The following DDX59 variants were observed in gnomAD, a reference collection of about 807,000 sequenced individuals.
DDX59 encodes the protein probable ATP-dependent RNA helicase DDX59.
A neutral mutation model predicts 51.9 loss-of-function variants in DDX59; 30 were observed. The observed-to-expected ratio is 0.58, with a 90% CI of 0.43 to 0.78. The LOEUF is 0.78. Among genes scored for constraint, DDX59 ranks in the 30% least tolerant of loss-of-function variants. The probability of loss-of-function intolerance (pLI) is 0.00; values close to 1 mark genes in which losing one functional copy is unlikely to be tolerated. For missense variants in DDX59, 672 were observed against 730.8 expected, an observed-to-expected ratio of 0.92 and a Z score of 0.93; for synonymous variants, 255 against 253.3, an observed-to-expected ratio of 1.01 and a Z score of -0.06.
intron 4 of DDX59, among the ~76,000 whole-genome samples, chr1:200,657,288 C>T (rs375605558): frequency 1.3e-5 from 2 of 149,496 alleles, no homozygotes; most frequent in South Asian, 2.1e-4. Context: ...TTCTCTAGCT[C>T]ATAAGATGGG....
At chr1:200,646,260 T>C (rs1328937931) in intron 7 of DDX59, among the ~76,000 whole-genome samples, 3 of 151,944 alleles carry the variant, frequency 2.0e-5, no homozygotes, top group Non-Finnish European at 2.9e-5. Context: ...CCTGAGTCCA[T>C]GCATTCAAGG....
Position 200,650,469 on chromosome 1 carries a change from C to T in DDX59, c.1270G>A (p.Val424Ile). 1.2e-6 allele frequency: 2 copies of T among 1,613,652 alleles called. No individual in the cohort carries two copies. Among genetic ancestry groups the T allele is most frequent in the Non-Finnish European group, 1.7e-6 (2 of 1,179,732 alleles). The change falls in exon 5 of 8, where the codon GTA (valine) becomes ATA (isoleucine). Residue 424 changes from valine (V) to isoleucine (I), a missense_variant. Physicochemically the swap from Val to Ile is conservative, Grantham distance 29 (BLOSUM62 3). Coordinates refer to ENST00000331314, the MANE Select transcript of DDX59 (RefSeq NM_001031725.6). ...TTTTTCTTTTTGGCTGGGTCTTCTACCCACAAAATAATCTGACGTACATTG... is the reference window on the plus strand; with the variant it reads ...TTTTTCTTTTTGGCTGGGTCTTCTATCCACAAAATAATCTGACGTACATTG... Reference protein sequence around the residue: ...CANVRQIILWVEDPAKKKKLF... With the variant: ...CANVRQIILWIEDPAKKKKLF...
In DDX59 at chr1:200,650,262, G is replaced by C. The variant is rs998128614; in HGVS notation, c.1314+163C>G. On this transcript the variant is annotated intron_variant, in intron 5 of 7. Coordinates refer to ENST00000331314, the MANE Select transcript of DDX59 (RefSeq NM_001031725.6). The stretch of plus-strand genomic sequence containing the variant: ...TCTATCCAACATGTTTTCCCAAATA[G>C]CTATTTATTTGATTCTCATAGAATT... Among the ~76,000 whole-genome samples the C allele has an allele frequency of 7.2e-5, 11 of 152,172 alleles. No homozygotes were observed. The East Asian group carries it at 2.1e-3, about 29-fold the overall frequency.
chr1:200,647,205 G>C (rs559855786), intron 7 of DDX59, among the ~76,000 whole-genome samples: 1 of 152,324 alleles, frequency 6.6e-6, no homozygotes, highest in South Asian at 2.1e-4. Flanking sequence ...AGGGAAGCCG[G>C]AGAGGGAAGA....
chr1:200,653,519 C>A (rs1172221896), intron 4 of DDX59, among the ~76,000 whole-genome samples: 1 of 152,218 alleles, frequency 6.6e-6, no homozygotes, highest in African/African-American at 2.4e-5. Context: ...AATTCTCAAG[C>A]AACCAGATAG....
At chr1:200,644,663 G>C (rs555796375) in intron 7 of DDX59, 146 bp from the exon 8 acceptor site, 150 of 991,050 alleles carry the variant, frequency 1.5e-4, no homozygotes, top group Non-Finnish European at 1.7e-4. Context: ...TGGGAGCTGA[G>C]GCAGGTGGAT....
chr1:200,665,378 CTGAACCTGGGAGACGGATCACT>C (rs1426313613), intron 2 of DDX59, among the ~76,000 whole-genome samples: 1 of 151,668 alleles, frequency 6.6e-6, no homozygotes, highest in East Asian at 1.9e-4. Flanking sequence ...TCACTTGAAC[CTGAACCTGGGAGACGGATCACT>C]TGAACCTGGG....
chr1:200,647,535 C>A (rs1197511257), intron 7 of DDX59, among the ~76,000 whole-genome samples: 1 of 149,720 alleles, frequency 6.7e-6, no homozygotes, highest in Non-Finnish European at 1.5e-5. Flanking sequence ...AAATTTACTA[C>A]TTAAAATTTT....
rs1298075867 is a variant in DDX59, at chr1:200,668,290, A to C, written c.-12+1477T>G. On this transcript the variant is annotated intron_variant, in intron 1 of 7. Coordinates refer to ENST00000331314, the MANE Select transcript of DDX59 (RefSeq NM_001031725.6). ...GCCACTGCACTCCAGCCTGGGCAAC[A>C]GAGCAAGACTCCGTCTCAAAAAAAA... 2.0e-5 allele frequency among the ~76,000 whole-genome samples: 3 copies of C among 150,812 alleles called. No homozygotes were observed. In the South Asian group the frequency reaches 6.3e-4, roughly 32 times the overall value.
chr1:200,654,008 C>G (rs917411665), intron 4 of DDX59, among the ~76,000 whole-genome samples: 1 of 152,100 alleles, frequency 6.6e-6, no homozygotes, highest in Non-Finnish European at 1.5e-5. Context: ...CATGAAAAGC[C>G]CTAATGATAT....
At chr1:200,660,827 C>T (rs1355899996) in intron 3 of DDX59, among the ~76,000 whole-genome samples, 1 of 152,142 alleles carries the variant, frequency 6.6e-6, no homozygotes, top group Non-Finnish European at 1.5e-5. Flanking sequence ...ACCAACAATA[C>T]TCGAGTTCAG....
intron 2 of DDX59, among the ~76,000 whole-genome samples, chr1:200,665,665 A>G (rs1268214606): frequency 6.6e-6 from 1 of 152,172 alleles, no homozygotes; most frequent in African/African-American, 2.4e-5. Flanking sequence ...CTGTTAATAG[A>G]AAAACTGTTA....
At chr1:200,661,083 G>T (rs1420829783) in intron 3 of DDX59, among the ~76,000 whole-genome samples, 1 of 152,142 alleles carries the variant, frequency 6.6e-6, no homozygotes, top group African/African-American at 2.4e-5. Context: ...GGCTGGGGCA[G>T]GGAAAGAAAA....
chr1:200,655,982 C>T lies in DDX59; in HGVS notation c.1062+3045G>A, dbSNP rs536402312. On this transcript the variant is annotated intron_variant, in intron 4 of 7. Transcript: ENST00000331314. Reference sequence around the variant, plus strand: ...AGTAGCTGGGATTACAGGCACGCGCCACCACGCCCAGCTAATTTTGTATTT... The same window carrying T: ...AGTAGCTGGGATTACAGGCACGCGCTACCACGCCCAGCTAATTTTGTATTT... Among the ~76,000 whole-genome samples, 13 of 152,298 alleles carry T rather than the reference C, an allele frequency of 8.5e-5. No homozygotes were observed. The South Asian group carries it at 2.7e-3, about 32-fold the overall frequency.
intron 3 of DDX59, among the ~76,000 whole-genome samples, chr1:200,660,328 G>A (rs1662295349): frequency 6.6e-6 from 1 of 152,106 alleles, no homozygotes. Flanking sequence ...CTTGCTCTTG[G>A]AGGGCAACTT....
chr1:200,653,994 A>T (rs781344566), intron 4 of DDX59, among the ~76,000 whole-genome samples: 5 of 152,234 alleles, frequency 3.3e-5, no homozygotes, highest in Non-Finnish European at 5.9e-5. Context: ...AACAAGTGTG[A>T]GCACATGAAA....
intron 3 of DDX59, among the ~76,000 whole-genome samples, chr1:200,660,217 C>A (rs995314438): frequency 2.0e-5 from 3 of 152,210 alleles, no homozygotes; most frequent in Admixed American, 2.0e-4. Context: ...CTGGCACAAT[C>A]TTCTTTATCT....
At position 200,644,377 on chromosome 1, in the gene DDX59, T is replaced by C; in HGVS notation, c.1737A>G (p.Pro579=). The C allele has an allele frequency of 6.2e-7, 1 of 1,613,958 alleles. No homozygotes were observed. The highest frequency in any genetic ancestry group is 8.5e-7 in the Non-Finnish European group (1 of 1,179,958). ...CCTTTCTCTTCTGGTCATGAAGGTA[T>C]GGGGAATTTAATAACTGAGGGGGAA... The part of the protein sequence containing the change: ...SILPPQLLNS[P]YLHDQKRKEQ... Residue 579 remains proline, a synonymous_variant, in exon 8 of 8, where the codon CCA becomes CCG. Coordinates refer to ENST00000331314, the MANE Select transcript of DDX59 (RefSeq NM_001031725.6).
chr1:200,661,497 C>T (rs1476528080), intron 3 of DDX59, among the ~76,000 whole-genome samples: 1 of 152,142 alleles, frequency 6.6e-6, no homozygotes, highest in African/African-American at 2.4e-5. Flanking sequence ...AAAAACAAAG[C>T]ATCTCTTCTG....
Sources: allele counts gnomAD v4.1 joint callset (sites outside exome capture counted in the v4.1 genomes callset), GRCh38; gene constraint gnomAD v4.1.1; transcripts MANE v1.5; gene names NCBI Gene and HGNC (gene_info 2026-07-23, HGNC 2026-07-21).